The following UNC5D variants were observed in gnomAD, a reference collection of about 807,000 sequenced individuals.
The protein encoded by UNC5D is netrin receptor UNC5D.
In UNC5D, 39 loss-of-function variants were observed where a neutral mutation model predicts 105.4. The ratio of observed to expected loss-of-function variants is 0.37; its 90% confidence interval spans 0.29 to 0.48. UNC5D has a LOEUF of 0.48. UNC5D is among the 20% of genes least tolerant of loss of function. The pLI is 0.98. For missense variants in UNC5D, 991 were observed against 1,202.4 expected (o/e 0.82, Z 2.60); for synonymous variants, 452 against 450.4 (o/e 1.00, Z -0.04).
chr8:35,691,609 A>AGAG (rs1314467898), intron 7 of UNC5D, among the ~76,000 whole-genome samples: 1 of 152,166 alleles, frequency 6.6e-6, no homozygotes, highest in Non-Finnish European at 1.5e-5. Context: ...CCTTTATACT[A>AGAG]GAGTATTGCT....
At chr8:35,657,045 A>AGT (rs3076999) in intron 4 of UNC5D, among the ~76,000 whole-genome samples, 1,920 of 70,630 alleles carry the variant, frequency 0.027, 101 homozygotes, top group East Asian at 0.05. Flanking sequence ...AGTGCAGTGG[A>AGT]GTGTGTGTGT....
chr8:35,667,482 C>G (rs931817823), intron 4 of UNC5D, among the ~76,000 whole-genome samples: 1 of 152,140 alleles, frequency 6.6e-6, no homozygotes, highest in Non-Finnish European at 1.5e-5. Flanking sequence ...CTACTGACAA[C>G]TAACTGGCCA....
chr8:35,420,455 G>T (rs1805822820), intron 1 of UNC5D, among the ~76,000 whole-genome samples: 1 of 152,080 alleles, frequency 6.6e-6, no homozygotes, highest in Admixed American at 6.5e-5. Flanking sequence ...TGCCAATGCG[G>T]TACTCTGAAC....
At chr8:35,438,156 C>T (rs1807150292) in intron 1 of UNC5D, among the ~76,000 whole-genome samples, 1 of 151,892 alleles carries the variant, frequency 6.6e-6, no homozygotes, top group Non-Finnish European at 1.5e-5. Flanking sequence ...TTGAGAAAGC[C>T]TCACAGAAGG....
chr8:35,716,532 C>A lies in UNC5D; in HGVS notation c.1118-5678C>A, dbSNP rs575780058. Among the ~76,000 whole-genome samples, 3 of 152,294 alleles carry A rather than the reference C, an allele frequency of 2.0e-5. No homozygotes were observed. The South Asian group carries it at 6.2e-4, about 32-fold the overall frequency. ...GAGGCTTTGAGAAAGGCAAGTAATT[C>A]TCTCACCTCAGTTTACACATCTCAG... On this transcript the variant is annotated intron_variant, in intron 8 of 16. Coordinates refer to ENST00000404895, the MANE Select transcript of UNC5D (RefSeq NM_080872.4).
intron 16 of UNC5D, among the ~76,000 whole-genome samples, chr8:35,789,893 A>C (rs1012154320): frequency 1.5e-4 from 19 of 130,916 alleles, no homozygotes; most frequent in African/African-American, 6.1e-4. Context: ...AGTCAAGAAG[A>C]AAACACACAC....
At chr8:35,545,069 C>G (rs1395206381) in intron 1 of UNC5D, among the ~76,000 whole-genome samples, 2 of 152,186 alleles carry the variant, frequency 1.3e-5, no homozygotes, top group African/African-American at 4.8e-5. Flanking sequence ...AGGCAGATGG[C>G]TGGATCAGTC....
At chr8:35,545,918 C>T (rs1815638830) in intron 1 of UNC5D, among the ~76,000 whole-genome samples, 1 of 151,926 alleles carries the variant, frequency 6.6e-6, no homozygotes, top group South Asian at 2.1e-4. Flanking sequence ...GAAATAGGGT[C>T]TGTCTCTCTC....
At chr8:35,596,527 G>A (rs558680317) in intron 4 of UNC5D, among the ~76,000 whole-genome samples, 2 of 152,132 alleles carry the variant, frequency 1.3e-5, no homozygotes, top group Non-Finnish European at 1.5e-5. Flanking sequence ...TTGAGGATGC[G>A]TGCCCATGAC....
intron 1 of UNC5D, among the ~76,000 whole-genome samples, chr8:35,399,587 C>G (rs2128948701): frequency 6.6e-6 from 1 of 152,248 alleles, no homozygotes; most frequent in South Asian, 2.1e-4. Flanking sequence ...AATTTGCATG[C>G]ATACATATGT....
chr8:35,442,304 G>A (rs1260249841), intron 1 of UNC5D, among the ~76,000 whole-genome samples: 2 of 151,748 alleles, frequency 1.3e-5, no homozygotes, highest in Admixed American at 1.3e-4. Flanking sequence ...TTATTGGAAG[G>A]AAAGTATGAA....
intron 1 of UNC5D, among the ~76,000 whole-genome samples, chr8:35,403,840 G>A (rs921412263): frequency 3.9e-5 from 6 of 152,190 alleles, no homozygotes; most frequent in Non-Finnish European, 5.9e-5. Context: ...AATTCAGATA[G>A]TCACTCCTGG....
intron 14 of UNC5D, among the ~76,000 whole-genome samples, chr8:35,759,966 C>G (rs190432465): frequency 9.6e-4 from 146 of 151,400 alleles, no homozygotes; most frequent in Middle Eastern, 3.5e-3. Flanking sequence ...TACTTGCTTC[C>G]AAATGAATCA....
At chr8:35,511,788 T>C (rs915284831) in intron 1 of UNC5D, among the ~76,000 whole-genome samples, 1 of 152,138 alleles carries the variant, frequency 6.6e-6, no homozygotes, top group Non-Finnish European at 1.5e-5. Flanking sequence ...TGAATTTGTG[T>C]TGGGCTACGT....
chr8:35,462,293 T>C (rs192899070), intron 1 of UNC5D, among the ~76,000 whole-genome samples: 1 of 152,262 alleles, frequency 6.6e-6, no homozygotes, highest in East Asian at 1.9e-4. Flanking sequence ...TAATATATTC[T>C]ATTTTCTCTT....
At chr8:35,260,502 G>T (rs1011604904) in intron 1 of UNC5D, among the ~76,000 whole-genome samples, 2 of 152,086 alleles carry the variant, frequency 1.3e-5, no homozygotes, top group African/African-American at 4.8e-5. Flanking sequence ...ATGGAGTCTC[G>T]CTCTATCACC....
chr8:35,570,477 T>C (rs1342724739), intron 3 of UNC5D, among the ~76,000 whole-genome samples: 2 of 152,252 alleles, frequency 1.3e-5, no homozygotes, highest in Non-Finnish European at 2.9e-5. Flanking sequence ...TTTTATGATA[T>C]ATTTGATTCT....
chr8:35,682,433 G>A (rs1296118997), intron 4 of UNC5D, among the ~76,000 whole-genome samples: 6 of 152,142 alleles, frequency 3.9e-5, no homozygotes, highest in Admixed American at 3.3e-4. Flanking sequence ...ATGTCATCAC[G>A]GCCATTGCTT....
rs149565870 is a variant in UNC5D at position 35,575,448 on chromosome 8, T to C, written c.466+7207T>C. The stretch of plus-strand genomic sequence containing the variant: ...GACAGATAAGGGCCAACTTTGTCCT[T>C]TCTTGTTTGTGCACTCCTAACAGTA... On this transcript the variant is annotated intron_variant, in intron 3 of 16. Coordinates refer to ENST00000404895, the MANE Select transcript of UNC5D (RefSeq NM_080872.4). 6.4e-3 allele frequency among the ~76,000 whole-genome samples: 968 copies of C among 152,210 alleles called. 5 individuals are homozygous for C. The highest frequency in any genetic ancestry group is 0.022 in the African/African-American group (932 of 41,532).
Sources: allele counts gnomAD v4.1 joint callset (sites outside exome capture counted in the v4.1 genomes callset), GRCh38; gene constraint gnomAD v4.1.1; transcripts MANE v1.5; gene names NCBI Gene and HGNC (gene_info 2026-07-23, HGNC 2026-07-21).